Variants in NKAIN2 observed in about 807,000 individuals in gnomAD.
NKAIN2 encodes the protein sodium/potassium transporting ATPase interacting 2, also known as sodium/potassium-transporting ATPase subunit beta-1-interacting protein 2.
Under a neutral mutation model 32.6 loss-of-function variants are expected in NKAIN2, and 14 were observed. The ratio of observed to expected loss-of-function variants is 0.43; its 90% CI spans 0.28 to 0.67. NKAIN2 has a LOEUF of 0.67. Ranked by LOEUF, NKAIN2 falls within the 30% of genes least tolerant of loss-of-function variation. The pLI, the probability that NKAIN2 is intolerant of heterozygous loss-of-function variation, is 0.17. For missense variants in NKAIN2, 198 were observed against 258.3 expected, an observed-to-expected ratio of 0.77 and a Z score of 1.60; for synonymous variants, 80 against 87.2, an observed-to-expected ratio of 0.92 and a Z score of 0.46.
intron 1 of NKAIN2, among the ~76,000 whole-genome samples, chr6:124,239,938 A>C (rs1238344452): frequency 6.6e-6 from 1 of 152,216 alleles, no homozygotes; most frequent in African/African-American, 2.4e-5. Flanking sequence ...CACCTTCAAA[A>C]AATCAATGAA....
chr6:124,777,500 G>A (rs906734884), intron 4 of NKAIN2, among the ~76,000 whole-genome samples: 1 of 152,180 alleles, frequency 6.6e-6, no homozygotes, highest in African/African-American at 2.4e-5. Context: ...ATTGTGAGGA[G>A]TAAGAATTTA....
chr6:124,330,082 G>T (rs1562493521), intron 2 of NKAIN2, among the ~76,000 whole-genome samples: 2 of 152,166 alleles, frequency 1.3e-5, no homozygotes, highest in Non-Finnish European at 1.5e-5. Flanking sequence ...TCTGTTGCTG[G>T]CAGATTAGTT....
At chr6:124,434,321 A>AT (rs933063920) in intron 3 of NKAIN2, among the ~76,000 whole-genome samples, 1 of 152,120 alleles carries the variant, frequency 6.6e-6, no homozygotes, top group African/African-American at 2.4e-5. Flanking sequence ...GGGTCAGGTT[A>AT]TTTTTTAAAA....
chr6:124,279,510 CA>C (rs10545991), intron 1 of NKAIN2, among the ~76,000 whole-genome samples: 4,181 of 78,652 alleles, frequency 0.053, 154 homozygotes, highest in African/African-American at 0.14. Flanking sequence ...GATTCCATCT[CA>C]AAAAAAAAAA....
At chr6:124,552,530 G>C (rs1358596333) in intron 3 of NKAIN2, among the ~76,000 whole-genome samples, 1 of 152,172 alleles carries the variant, frequency 6.6e-6, no homozygotes, top group African/African-American at 2.4e-5. Flanking sequence ...AGACATCGAA[G>C]TCCATCTAAT....
chr6:124,533,939 A>G (rs1443044572), intron 3 of NKAIN2, among the ~76,000 whole-genome samples: 1 of 152,038 alleles, frequency 6.6e-6, no homozygotes, highest in African/African-American at 2.4e-5. Context: ...TTATAAAGGC[A>G]CTACTCCCAT....
At chr6:123,862,673 C>T (rs1452771065) in intron 1 of NKAIN2, among the ~76,000 whole-genome samples, 1 of 152,124 alleles carries the variant, frequency 6.6e-6, no homozygotes, top group African/African-American at 2.4e-5. Context: ...CTTACTTTTG[C>T]TCATACTGTT....
At chr6:124,723,861 C>T (rs187669874) in intron 4 of NKAIN2, among the ~76,000 whole-genome samples, 7 of 152,286 alleles carry the variant, frequency 4.6e-5, no homozygotes, top group Admixed American at 3.3e-4. Flanking sequence ...AAATGCTGGG[C>T]ATCTTTCCAA....
At chr6:124,719,981 T>TC (rs1020246500) in intron 4 of NKAIN2, among the ~76,000 whole-genome samples, 1 of 152,138 alleles carries the variant, frequency 6.6e-6, no homozygotes, top group Non-Finnish European at 1.5e-5. Context: ...AGCCAATCAT[T>TC]CCCCAAAGAG....
chr6:124,005,294 A>T (rs2114721889), intron 1 of NKAIN2, among the ~76,000 whole-genome samples: 1 of 152,260 alleles, frequency 6.6e-6, no homozygotes, highest in African/African-American at 2.4e-5. Context: ...TGTAATTCAA[A>T]CAGATGAATT....
intron 1 of NKAIN2, among the ~76,000 whole-genome samples, chr6:124,160,162 G>T (rs779011382): frequency 2.0e-5 from 3 of 152,102 alleles, no homozygotes; most frequent in African/African-American, 7.2e-5. Flanking sequence ...GTTCAATTGG[G>T]TGAGGCGATC....
chr6:124,338,114 G>T (rs1195538160), intron 2 of NKAIN2, among the ~76,000 whole-genome samples: 3 of 152,042 alleles, frequency 2.0e-5, no homozygotes, highest in Admixed American at 2.0e-4. Flanking sequence ...GCTATCCCAG[G>T]ATACATCAGT....
chr6:124,200,577 A>G (rs987204460), intron 1 of NKAIN2, among the ~76,000 whole-genome samples: 2 of 152,144 alleles, frequency 1.3e-5, no homozygotes, highest in Non-Finnish European at 2.9e-5. Context: ...TATTTAAATC[A>G]CCTACCACTT....
chr6:124,115,564 A>G (rs950087893), intron 1 of NKAIN2, among the ~76,000 whole-genome samples: 2 of 152,092 alleles, frequency 1.3e-5, no homozygotes, highest in Non-Finnish European at 2.9e-5. Context: ...GTGACAGGAG[A>G]ATGTAGAGAT....
intron 1 of NKAIN2, among the ~76,000 whole-genome samples, chr6:124,197,948 G>A (rs1445066066): frequency 6.7e-6 from 1 of 149,366 alleles, no homozygotes; most frequent in Non-Finnish European, 1.5e-5. Context: ...AGTACCAACT[G>A]AGATATTTAC....
intron 2 of NKAIN2, among the ~76,000 whole-genome samples, chr6:124,348,449 G>GAGGC (rs1798548356): frequency 6.6e-6 from 1 of 152,220 alleles, no homozygotes; most frequent in African/African-American, 2.4e-5. Context: ...GGAGCCTACA[G>GAGGC]AGGCAGGCAG....
chr6:124,262,360 T>A (rs1460517703), intron 1 of NKAIN2, among the ~76,000 whole-genome samples: 1 of 152,166 alleles, frequency 6.6e-6, no homozygotes, highest in Non-Finnish European at 1.5e-5. Context: ...ACAAGTTTAA[T>A]CTGAGATTTA....
At chr6:124,619,373 G>GAT (rs1783026710) in intron 3 of NKAIN2, among the ~76,000 whole-genome samples, 1 of 152,054 alleles carries the variant, frequency 6.6e-6, no homozygotes, top group South Asian at 2.1e-4. Context: ...AATTCTGAGA[G>GAT]ATATCACATT....
intron 5 of NKAIN2, 48 bp from the exon 6 acceptor site, chr6:124,818,339 G>T: frequency 1.0e-6 from 1 of 967,588 alleles, no homozygotes; most frequent in Non-Finnish European, 1.7e-6. Context: ...CTTGATCATG[G>T]ATGTATATCT....
Sources: gnomAD v4.1 joint callset for allele counts (sites outside exome capture counted in the v4.1 genomes callset) on GRCh38, gnomAD v4.1.1 for gene constraint, MANE v1.5 for transcripts, NCBI Gene and HGNC (gene_info 2026-07-23, HGNC 2026-07-21) for gene names.